The following VPS41 variants were observed in gnomAD, a reference collection of about 807,000 sequenced individuals.
VPS41 encodes vacuolar protein sorting-associated protein 41 homolog.
In VPS41, 85 loss-of-function variants were observed where a neutral mutation model predicts 130.9. The ratio of observed to expected loss-of-function variants is 0.65; its 90% CI spans 0.55 to 0.78. The LOEUF (loss-of-function observed/expected upper bound fraction) is 0.78, where lower values mean the gene tolerates loss of function less well. Ranked by LOEUF, VPS41 falls within the 30% of genes least tolerant of loss-of-function variation. The probability of loss-of-function intolerance (pLI) is 0.00; values close to 1 mark genes in which losing one functional copy is unlikely to be tolerated. For synonymous variants in VPS41, 335 were observed against 332.9 expected, an observed-to-expected ratio of 1.01 and a Z score of -0.07; for missense variants, 874 against 1,018.7, an observed-to-expected ratio of 0.86 and a Z score of 1.93.
chr7:38,761,169 T>C (rs536571460), intron 17 of VPS41, among the ~76,000 whole-genome samples: 1 of 151,866 alleles, frequency 6.6e-6, no homozygotes, highest in South Asian at 2.1e-4. Flanking sequence ...TTTCCTTGTC[T>C]TTCCTTCCTT....
intron 4 of VPS41, among the ~76,000 whole-genome samples, chr7:38,833,175 C>T (rs1450168988): frequency 6.6e-6 from 1 of 152,166 alleles, no homozygotes; most frequent in Non-Finnish European, 1.5e-5. Context: ...CCACATTTCA[C>T]CACCCCTACA....
intron 7 of VPS41, among the ~76,000 whole-genome samples, chr7:38,808,892 C>T (rs1432504173): frequency 6.6e-6 from 1 of 152,158 alleles, no homozygotes; most frequent in Non-Finnish European, 1.5e-5. Context: ...TATCTAGATT[C>T]TAAAAAGATT....
chr7:38,904,613 T>G (rs1787216468), intron 1 of VPS41, among the ~76,000 whole-genome samples: 1 of 152,240 alleles, frequency 6.6e-6, no homozygotes, highest in South Asian at 2.1e-4. Flanking sequence ...ATACTTTATA[T>G]TCACAAAAGT....
chr7:38,853,521 TA>T (rs1317792999), intron 4 of VPS41, among the ~76,000 whole-genome samples: 1 of 152,026 alleles, frequency 6.6e-6, no homozygotes, highest in African/African-American at 2.4e-5. Context: ...TTTCACTTTC[TA>T]CAGGTTCCCT....
intron 4 of VPS41, among the ~76,000 whole-genome samples, chr7:38,854,568 T>C (rs1320580126): frequency 6.6e-6 from 1 of 152,138 alleles, no homozygotes; most frequent in East Asian, 1.9e-4. Context: ...CAATTTCCTA[T>C]AATGTACACA....
At chr7:38,777,104 T>C (rs1231863302) in intron 10 of VPS41, among the ~76,000 whole-genome samples, 1 of 152,188 alleles carries the variant, frequency 6.6e-6, no homozygotes, top group Non-Finnish European at 1.5e-5. Context: ...TTGAAACCCA[T>C]AAAAAGAAAT....
At chr7:38,771,959 T>C (rs1784161625) in intron 13 of VPS41, among the ~76,000 whole-genome samples, 1 of 152,154 alleles carries the variant, frequency 6.6e-6, no homozygotes, top group African/African-American at 2.4e-5. Flanking sequence ...ACGTAGACTA[T>C]TTGTTGTGGA....
chr7:38,847,330 T>C (rs1229817171), intron 4 of VPS41, among the ~76,000 whole-genome samples: 2 of 152,006 alleles, frequency 1.3e-5, no homozygotes, highest in African/African-American at 4.8e-5. Flanking sequence ...TAGTTGGCCA[T>C]ACCCTTAAGA....
intron 18 of VPS41, among the ~76,000 whole-genome samples, chr7:38,757,962 A>G (rs1471952079): frequency 6.6e-6 from 1 of 152,202 alleles, no homozygotes; most frequent in East Asian, 1.9e-4. Flanking sequence ...TTTAAAGTTT[A>G]AAATTTTCCC....
intron 4 of VPS41, among the ~76,000 whole-genome samples, chr7:38,848,849 G>T (rs551819311): frequency 6.6e-6 from 1 of 152,216 alleles, no homozygotes; most frequent in Non-Finnish European, 1.5e-5. Flanking sequence ...TATCACCACT[G>T]CTCTTTCTAC....
At chr7:38,902,797 C>A (rs1787173644) in intron 1 of VPS41, among the ~76,000 whole-genome samples, 2 of 152,344 alleles carry the variant, frequency 1.3e-5, no homozygotes, top group Non-Finnish European at 2.9e-5. Context: ...GGAGAGGTTG[C>A]CAGGCACTCA....
chr7:38,809,503 G>C (rs532351844), intron 7 of VPS41, among the ~76,000 whole-genome samples: 2 of 151,742 alleles, frequency 1.3e-5, no homozygotes, highest in South Asian at 2.1e-4. Flanking sequence ...TTTATAAAAA[G>C]CTTCCCATAT....
chr7:38,779,649 A>G (rs1224356012), intron 10 of VPS41, among the ~76,000 whole-genome samples: 1 of 152,238 alleles, frequency 6.6e-6, no homozygotes, highest in African/African-American at 2.4e-5. Flanking sequence ...TAATGCAGCG[A>G]AACATAATTG....
At chr7:38,760,370 C>T (rs559649583) in intron 17 of VPS41, among the ~76,000 whole-genome samples, 5 of 152,216 alleles carry the variant, frequency 3.3e-5, no homozygotes, top group African/African-American at 1.2e-4. Context: ...TCCTTTTGTT[C>T]CCAAACAGAG....
At chr7:38,755,270 A>T (rs1208483935) in intron 19 of VPS41, among the ~76,000 whole-genome samples, 1 of 152,162 alleles carries the variant, frequency 6.6e-6, no homozygotes, top group African/African-American at 2.4e-5. Flanking sequence ...TGAGACTCTC[A>T]GTAGTTATGG....
At chr7:38,842,228 T>C (rs1785622822) in intron 4 of VPS41, among the ~76,000 whole-genome samples, 1 of 152,024 alleles carries the variant, frequency 6.6e-6, no homozygotes, top group African/African-American at 2.4e-5. Context: ...TCTTAATACC[T>C]CTCAAATCCA....
At chr7:38,795,341 C>T (rs765048567) in intron 9 of VPS41, 124 bp downstream of exon 9, 14 of 695,156 alleles carry the variant, frequency 2.0e-5, no homozygotes, top group African/African-American at 1.5e-4. Flanking sequence ...ATGGTAATCA[C>T]GTCACAATAA....
chr7:38,778,345 T>C (rs1784297355), intron 10 of VPS41, among the ~76,000 whole-genome samples: 1 of 152,210 alleles, frequency 6.6e-6, no homozygotes, highest in Non-Finnish European at 1.5e-5. Context: ...GCAGAGACAG[T>C]GTTTCTAGCG....
chr7:38,734,909 A>G (rs184912884), intron 25 of VPS41, among the ~76,000 whole-genome samples: 171 of 152,284 alleles, frequency 1.1e-3, no homozygotes, highest in African/African-American at 3.9e-3. Context: ...TTAGGTCACA[A>G]TGCTATGGGA....
Sources: gnomAD v4.1 joint callset for allele counts (sites outside exome capture counted in the v4.1 genomes callset) on GRCh38, gnomAD v4.1.1 for gene constraint, MANE v1.5 for transcripts, NCBI Gene and HGNC (gene_info 2026-07-23, HGNC 2026-07-21) for gene names.